The following NUDT4 variants were observed in gnomAD, a reference collection of about 807,000 sequenced individuals.
NUDT4 encodes diphosphoinositol polyphosphate phosphohydrolase 2.
In NUDT4, 5 loss-of-function variants were observed where a neutral mutation model predicts 23.1. The observed-to-expected ratio is 0.22, with a 90% CI of 0.11 to 0.46. The LOEUF is 0.46. Ranked by LOEUF, NUDT4 falls within the 20% of genes least tolerant of loss-of-function variation. NUDT4 has a pLI of 0.99. For synonymous variants in NUDT4, 50 were observed against 79.0 expected, an observed-to-expected ratio of 0.63 and a Z score of 1.95; for missense variants, 96 against 211.6, an observed-to-expected ratio of 0.45 and a Z score of 3.39.
intron 1 of NUDT4, among the ~76,000 whole-genome samples, chr12:93,391,145 G>GA (rs547591581): frequency 1.4e-3 from 211 of 151,196 alleles, no homozygotes; most frequent in African/African-American, 4.2e-3. Context: ...GCATTTAAAA[G>GA]AAAAAAAAAT....
chr12:93,406,275 C>CAAAAAAAAAAAAAAAAAAAAAAAAAAAAA lies in NUDT4; in HGVS notation c.*6898_*6926dup, dbSNP rs58309798. 6 of 38,000 alleles carry CAAAAAAAAAAAAAAAAAAAAAAAAAAAAA rather than the reference C, an allele frequency of 1.6e-4. 1 individual carries two copies. Among genetic ancestry groups the CAAAAAAAAAAAAAAAAAAAAAAAAAAAAA allele is most frequent in the African/African-American group, 2.5e-4 (3 of 12,020 alleles). 2.4% of individuals were successfully genotyped at this position (38,000 alleles called of 1,614,324 possible). ...AGAGCTAGAAAGTGGCTAGAGCAGC[C>CAAAAAAAAAAAAAAAAAAAAAAAAAAAAA]AAAAAAAAAAAAAAAAAAAAAAAAA... On this transcript the variant is annotated 3_prime_UTR_variant, in exon 5 of 5. Coordinates refer to ENST00000415493, the MANE Select transcript of NUDT4 (RefSeq NM_019094.6).
rs138104686 is a variant in NUDT4, at chr12:93,394,699, G to A, written c.190G>A (p.Val64Met). ...EPEEEPGGAAVREVYEEAGVK... is the reference protein window; with the variant it reads ...EPEEEPGGAAMREVYEEAGVK... ...CGAGGAGGAACCTGGCGGTGCTGCC[G>A]TGAGGGAAGTTTATGAGGAGGTGAG... is the stretch of plus-strand genomic sequence containing the variant. The change falls in exon 2 of 5, where the codon GTG becomes ATG. Residue 64 changes from valine (V) to methionine (M), a missense_variant. Physicochemically the swap from Val to Met is conservative, Grantham distance 21 (BLOSUM62 1). Coordinates refer to ENST00000415493, the MANE Select transcript of NUDT4 (RefSeq NM_019094.6). 164 of 1,549,334 alleles carry A rather than the reference G, an allele frequency of 1.1e-4. No individual in the cohort carries two copies. Among genetic ancestry groups the A allele is most frequent in the Non-Finnish European group, 1.3e-4 (151 of 1,144,014 alleles).
chr12:93,383,633 AC>A (rs1875851126), intron 1 of NUDT4, among the ~76,000 whole-genome samples: 1 of 152,180 alleles, frequency 6.6e-6, no homozygotes, highest in Non-Finnish European at 1.5e-5. Flanking sequence ...GGGGTTCAAG[AC>A]CAGCCTGGGC....
intron 4 of NUDT4, 50 bp downstream of exon 4, chr12:93,398,905 AAG>A: frequency 1.6e-6 from 2 of 1,254,858 alleles, no homozygotes; most frequent in Non-Finnish European, 2.3e-6. Flanking sequence ...GAAGATTGGG[AAG>A]ATTCTGTTAA....
chr12:93,398,888 T>C, intron 4 of NUDT4, 33 bp downstream of exon 4: 1 of 1,314,804 alleles, frequency 7.6e-7, no homozygotes, highest in Non-Finnish European at 1.1e-6. Flanking sequence ...AATACTCTGT[T>C]CTAACAGAAG....
chr12:93,385,745 G>T (rs1435568877), intron 1 of NUDT4, among the ~76,000 whole-genome samples: 2 of 151,548 alleles, frequency 1.3e-5, no homozygotes, highest in East Asian at 3.9e-4. Context: ...TTTGTAGGAG[G>T]GGCTTAGGAG....
chr12:93,380,042 G>T (rs1275469444), intron 1 of NUDT4, among the ~76,000 whole-genome samples: 1 of 152,196 alleles, frequency 6.6e-6, no homozygotes, highest in African/African-American at 2.4e-5. Flanking sequence ...TTATAGGTGA[G>T]GAGACAGTTG....
At chr12:93,381,553 G>A (rs1025903095) in intron 1 of NUDT4, among the ~76,000 whole-genome samples, 4 of 152,148 alleles carry the variant, frequency 2.6e-5, no homozygotes, top group Admixed American at 6.5e-5. Flanking sequence ...AATGGAAAGG[G>A]AAATAAAGTA....
intron 1 of NUDT4, among the ~76,000 whole-genome samples, chr12:93,393,995 A>T (rs772920280): frequency 6.6e-6 from 1 of 152,172 alleles, no homozygotes; most frequent in Non-Finnish European, 1.5e-5. Context: ...ACTCTGGCTA[A>T]TAAGCCAAGT....
At position 93,405,430 on chromosome 12, in the gene NUDT4, G is replaced by A. The variant is rs927256333; in HGVS notation, c.*6051G>A. ...ATACACTTACCAGTGCCACCCAGCA[G>A]GGCCATACAAGACACATGAAATGAG... On this transcript the variant is annotated 3_prime_UTR_variant, in exon 5 of 5. Coordinates refer to ENST00000415493, the MANE Select transcript of NUDT4 (RefSeq NM_019094.6). The A allele has an allele frequency of 2.6e-5, 4 of 152,208 alleles. No homozygotes were observed. The highest frequency in any genetic ancestry group is 2.6e-4 in the Admixed American group (4 of 15,274). The allele number at this position is 152,208 out of a possible 1,614,324, so 9.4% of individuals were successfully genotyped here. A position where few individuals can be genotyped will look rare whatever the true frequency, so the allele number is the denominator to read the frequency against.
At chr12:93,383,462 A>T (rs553559947) in intron 1 of NUDT4, among the ~76,000 whole-genome samples, 2 of 138,368 alleles carry the variant, frequency 1.4e-5, no homozygotes, top group South Asian at 4.6e-4. Context: ...TAGTAGAATT[A>T]GGTTAACGTA....
At chr12:93,379,633 C>T (rs569685360) in intron 1 of NUDT4, among the ~76,000 whole-genome samples, 3 of 152,242 alleles carry the variant, frequency 2.0e-5, no homozygotes, top group African/African-American at 2.4e-5. Context: ...TCTGTGCTCA[C>T]TCATAACCTT....
chr12:93,382,264 CAAA>C (rs61019568), intron 1 of NUDT4, among the ~76,000 whole-genome samples: 13,271 of 113,390 alleles, frequency 0.12, 741 homozygotes, highest in Admixed American at 0.19. Context: ...ACCCTGCCTG[CAAA>C]AAAAAAAAAA....
rs551170290 is a variant in NUDT4 at position 93,378,319 on chromosome 12, C to T, written c.-4C>T. 1 of 1,341,970 alleles carries T rather than the reference C, an allele frequency of 7.5e-7. No individual in the cohort carries two copies. Among genetic ancestry groups the T allele is most frequent in the East Asian group, 3.0e-5 (1 of 33,202 alleles). The allele number at this position is 1,341,970 out of a possible 1,614,324, so 83.1% of individuals were successfully genotyped here. A position where few individuals can be genotyped will look rare whatever the true frequency, so the allele number is the denominator to read the frequency against. On this transcript the variant is annotated 5_prime_UTR_variant, in exon 1 of 5. Transcript: ENST00000415493. ...AGCAGCAGCAGCAGCAGGAGCCCGC[C>T]TCTATGATGAAGTTCAAGCCCAACC...
intron 1 of NUDT4, among the ~76,000 whole-genome samples, chr12:93,392,365 CCTG>C (rs1876602948): frequency 6.7e-6 from 1 of 148,682 alleles, no homozygotes; most frequent in Non-Finnish European, 1.5e-5. Context: ...AAGTGATTCT[CCTG>C]CCACAGCCTC....
chr12:93,392,392 A>T (rs1203582905), intron 1 of NUDT4, among the ~76,000 whole-genome samples: 5 of 149,566 alleles, frequency 3.3e-5, no homozygotes, highest in African/African-American at 1.2e-4. Flanking sequence ...AGTAGCTGGG[A>T]TTACAGGTGC....
intron 3 of NUDT4, among the ~76,000 whole-genome samples, chr12:93,398,184 A>G (rs1033365905): frequency 2.0e-5 from 3 of 151,878 alleles, no homozygotes; most frequent in African/African-American, 4.8e-5. Flanking sequence ...TACTAAAAAT[A>G]CAAAAATTAG....
Position 93,400,914 on chromosome 12 carries a change from A to T in NUDT4, c.*1535A>T, listed in dbSNP as rs574371663. 2.0e-5 allele frequency: 3 copies of T among 152,686 alleles called. No homozygotes were observed. Among genetic ancestry groups the T allele is most frequent in the African/African-American group, 7.2e-5 (3 of 41,614 alleles). The allele number at this position is 152,686 out of a possible 1,614,324, so 9.5% of individuals were successfully genotyped here. A position where few individuals can be genotyped will look rare whatever the true frequency, so the allele number is the denominator to read the frequency against. On this transcript the variant is annotated 3_prime_UTR_variant, in exon 5 of 5. Coordinates refer to ENST00000415493, the MANE Select transcript of NUDT4 (RefSeq NM_019094.6). Reference sequence around the variant, plus strand: ...GAGCCACCATGCCCAGCCAAAGATCATTTTTTTATATAGACTTCAGCCCTT... The same window carrying T: ...GAGCCACCATGCCCAGCCAAAGATCTTTTTTTTATATAGACTTCAGCCCTT...
chr12:93,395,561 C>G, intron 3 of NUDT4, 28 bp downstream of exon 3: 1 of 1,555,204 alleles, frequency 6.4e-7, no homozygotes, highest in Non-Finnish European at 8.9e-7. Flanking sequence ...CTTCACTTTG[C>G]TGATAATAGA....
Sources: allele counts gnomAD v4.1 joint callset (sites outside exome capture counted in the v4.1 genomes callset), GRCh38; gene constraint gnomAD v4.1.1; transcripts MANE v1.5; gene names NCBI Gene and HGNC (gene_info 2026-07-23, HGNC 2026-07-21).